ITGA2: variants seen among roughly 807,000 people sequenced by gnomAD.
ITGA2 encodes the protein integrin alpha-2.
ITGA2 carries 101 observed loss-of-function variants against 146.3 expected under a neutral mutation model. The ratio of observed to expected loss-of-function variants is 0.69; its 90% CI spans 0.59 to 0.81. ITGA2 has a LOEUF of 0.81. Among genes scored for constraint, ITGA2 ranks in the 40% least tolerant of loss-of-function variants. ITGA2 has a pLI of 0.00. For missense variants in ITGA2, 1,281 were observed against 1,402.7 expected (o/e 0.91, Z 1.39); for synonymous variants, 477 against 487.1 (o/e 0.98, Z 0.27).
chr5:53,060,789 CTT>C (rs1051498860), intron 11 of ITGA2, 110 bp from the exon 12 acceptor site: 1 of 1,021,534 alleles, frequency 9.8e-7, no homozygotes, highest in African/African-American at 1.6e-5. Context: ...GCACTAGAAA[CTT>C]TGCATCACAT....
In ITGA2 at chr5:53,080,442, G is replaced by T. The variant is rs538109347; in HGVS notation, c.2929-69G>T. On this transcript the variant is annotated intron_variant, in intron 24 of 29. Coordinates refer to ENST00000296585, the MANE Select transcript of ITGA2 (RefSeq NM_002203.4). ...CGTAGTTGCCCTTCATCAACACGGG[G>T]TTACTGGTGAATTTCCTTGCATCAT... The T allele has an allele frequency of 3.3e-6, 4 of 1,217,342 alleles. 1 individual carries two copies. In the South Asian group the frequency reaches 4.8e-5, roughly 15 times the overall value. The allele number at this position is 1,217,342 out of a possible 1,614,324, so 75.4% of individuals were successfully genotyped here. A position where few individuals can be genotyped will look rare whatever the true frequency, so the allele number is the denominator to read the frequency against.
chr5:53,020,472 G>C (rs1295630089), intron 1 of ITGA2, among the ~76,000 whole-genome samples: 1 of 152,098 alleles, frequency 6.6e-6, no homozygotes, highest in African/African-American at 2.4e-5. Flanking sequence ...GCAAATGAAA[G>C]TAAGAGTCAA....
chr5:53,016,597 G>C (rs1469298528), intron 1 of ITGA2, among the ~76,000 whole-genome samples: 1 of 152,060 alleles, frequency 6.6e-6, no homozygotes, highest in East Asian at 1.9e-4. Context: ...ATCCTACAGG[G>C]GTTCTCTGCA....
At chr5:53,081,847 G>A in intron 26 of ITGA2, 151 bp downstream of exon 26, 1 of 628,756 alleles carries the variant, frequency 1.6e-6, no homozygotes, top group Non-Finnish European at 2.8e-6. Flanking sequence ...ATATTAGGTT[G>A]GTGCAAAAGT....
intron 4 of ITGA2, among the ~76,000 whole-genome samples, chr5:53,047,112 A>G (rs926221808): frequency 1.3e-5 from 2 of 152,154 alleles, no homozygotes; most frequent in African/African-American, 2.4e-5. Flanking sequence ...TGCCTTGTTC[A>G]TTGCACATGA....
chr5:53,056,136 T>G lies in ITGA2; in HGVS notation c.1083T>G (p.Ile361Met). 6.2e-7 allele frequency: 1 copy of G among 1,611,564 alleles called. No homozygotes were observed. The highest frequency in any genetic ancestry group is 8.5e-7 in the Non-Finnish European group (1 of 1,178,566). The change falls in exon 9 of 30, where the codon ATT becomes ATG. Residue 361 changes from isoleucine (I) to methionine (M), a missense_variant. Transcript: ENST00000296585. ...LEKAGTLGEQ[I>M]FSIEGTVQGG... Reference sequence around the variant, plus strand: ...AGGCTGGGACATTAGGAGAACAAATTTTCAGCATTGAAGGTAAAAAAAATA... The same window carrying G: ...AGGCTGGGACATTAGGAGAACAAATGTTCAGCATTGAAGGTAAAAAAAATA...
chr5:53,033,179 G>T (rs1743316338), intron 2 of ITGA2, among the ~76,000 whole-genome samples: 1 of 152,092 alleles, frequency 6.6e-6, no homozygotes, highest in Non-Finnish European at 1.5e-5. Flanking sequence ...TGAGGCAGGA[G>T]AATCACTTGA....
intron 2 of ITGA2, among the ~76,000 whole-genome samples, chr5:53,033,453 C>T (rs1419670110): frequency 6.6e-6 from 1 of 152,052 alleles, no homozygotes; most frequent in East Asian, 1.9e-4. Flanking sequence ...ATGATATAGC[C>T]TTTTAAATAT....
intron 11 of ITGA2, 132 bp downstream of exon 11, chr5:53,060,144 T>A: frequency 1.1e-6 from 1 of 941,312 alleles, no homozygotes. Context: ...TACACATACA[T>A]ATGTTGTCTC....
chr5:53,043,646 C>T (rs534773083), intron 3 of ITGA2, among the ~76,000 whole-genome samples: 1 of 152,100 alleles, frequency 6.6e-6, no homozygotes. Context: ...AAAAACAATT[C>T]TATGGGATAG....
intron 9 of ITGA2, 37 bp downstream of exon 9, chr5:53,056,186 A>G (rs1459807061): frequency 1.3e-6 from 2 of 1,566,232 alleles, no homozygotes; most frequent in Non-Finnish European, 1.8e-6. Flanking sequence ...ATTTTCTTCA[A>G]AATGTTTAAA....
chr5:53,027,574 G>T (rs961918391), intron 2 of ITGA2, among the ~76,000 whole-genome samples: 1 of 152,202 alleles, frequency 6.6e-6, no homozygotes, highest in African/African-American at 2.4e-5. Flanking sequence ...GAGGTAATTT[G>T]AAAGTTGTAT....
chr5:53,025,817 A>G (rs1306759415), intron 1 of ITGA2, among the ~76,000 whole-genome samples: 2 of 152,178 alleles, frequency 1.3e-5, no homozygotes, highest in Non-Finnish European at 2.9e-5. Context: ...GCATATTCCC[A>G]TCTCCAGAGA....
intron 3 of ITGA2, among the ~76,000 whole-genome samples, chr5:53,042,983 G>A (rs1303108350): frequency 6.6e-6 from 1 of 152,118 alleles, no homozygotes; most frequent in Non-Finnish European, 1.5e-5. Context: ...GGGAAGTGGT[G>A]TTTCTTGCAT....
At chr5:53,041,639 T>C (rs1336736061) in intron 2 of ITGA2, among the ~76,000 whole-genome samples, 1 of 152,170 alleles carries the variant, frequency 6.6e-6, no homozygotes, top group East Asian at 1.9e-4. Flanking sequence ...TTTTCCATAT[T>C]GAGATGTGCT....
At chr5:53,089,841 T>G in intron 28 of ITGA2, 105 bp from the exon 29 acceptor site, 1 of 785,712 alleles carries the variant, frequency 1.3e-6, no homozygotes, top group South Asian at 1.4e-5. Context: ...TTGTCACCTT[T>G]CTAGAGCTGT....
At chr5:53,045,204 G>T in intron 4 of ITGA2, 112 bp downstream of exon 4, 1 of 815,708 alleles carries the variant, frequency 1.2e-6, no homozygotes, top group South Asian at 1.5e-5. Context: ...CTTGCTTTTT[G>T]ATAAATTATG....
chr5:53,054,532 A>G lies in ITGA2; in HGVS notation c.780-1006A>G, dbSNP rs766377926. On this transcript the variant is annotated intron_variant, in intron 7 of 29. Transcript: ENST00000296585. ...ATATATACACAGGGATATTTATTAC[A>G]GCCTTACTTGTAAAACTCAAAATGT... Among the ~76,000 whole-genome samples, 77 of 152,290 alleles carry G rather than the reference A, an allele frequency of 5.1e-4. 1 individual carries two copies. Among genetic ancestry groups the G allele is most frequent in the Middle Eastern group, 6.8e-3 (2 of 294 alleles).
In ITGA2 at chr5:53,091,959, A is replaced by T. The variant is rs949918953; in HGVS notation, c.*1360A>T. ...TTTCTGAAGTACTTAAACTTCCACAAGAGTGAATTTGACCTAGGCAAGTTT... is the reference window on the plus strand; with the variant it reads ...TTTCTGAAGTACTTAAACTTCCACATGAGTGAATTTGACCTAGGCAAGTTT... On this transcript the variant is annotated 3_prime_UTR_variant, in exon 30 of 30. Transcript: ENST00000296585. 6.6e-6 allele frequency: 1 copy of T among 152,228 alleles called. No homozygotes were observed. The highest frequency in any genetic ancestry group is 6.5e-5 in the Admixed American group (1 of 15,284). The allele number at this position is 152,228 out of a possible 1,614,324, so 9.4% of individuals were successfully genotyped here.
Sources: allele counts gnomAD v4.1 joint callset (sites outside exome capture counted in the v4.1 genomes callset), GRCh38; gene constraint gnomAD v4.1.1; transcripts MANE v1.5; gene names NCBI Gene and HGNC (gene_info 2026-07-23, HGNC 2026-07-21).